DOCK9: variants seen among roughly 807,000 people sequenced by gnomAD.
DOCK9 encodes the protein dedicator of cytokinesis 9.
Under a neutral mutation model 263.3 loss-of-function variants are expected in DOCK9, and 89 were observed. The observed-to-expected ratio is 0.34, with a 90% CI of 0.28 to 0.40. The LOEUF (loss-of-function observed/expected upper bound fraction) is 0.40, where lower values mean the gene tolerates loss of function less well. DOCK9 is among the 10% of genes least tolerant of loss of function. The pLI is 1.00. For synonymous variants in DOCK9, 976 were observed against 973.1 expected (o/e 1.00, Z -0.06); for missense variants, 2,140 against 2,603.4 (o/e 0.82, Z 3.87).
intron 1 of DOCK9, among the ~76,000 whole-genome samples, chr13:99,016,480 G>A (rs527521478): frequency 1.4e-4 from 22 of 152,312 alleles, no homozygotes; most frequent in African/African-American, 5.3e-4. Flanking sequence ...AGTCTGGCTA[G>A]ATGCATGCCT....
intron 1 of DOCK9, among the ~76,000 whole-genome samples, chr13:99,003,804 C>G (rs1291060364): frequency 6.6e-6 from 1 of 152,218 alleles, no homozygotes; most frequent in East Asian, 1.9e-4. Flanking sequence ...TCTCCTTTCT[C>G]TAAGCCGTTA....
chr13:99,003,642 A>G (rs956247804), intron 1 of DOCK9, among the ~76,000 whole-genome samples: 3 of 140,070 alleles, frequency 2.1e-5, no homozygotes, highest in African/African-American at 7.9e-5. Context: ...GGGCACAAAT[A>G]CCAACACTCT....
intron 50 of DOCK9, among the ~76,000 whole-genome samples, chr13:98,799,535 G>A (rs900214615): frequency 5.9e-5 from 9 of 152,136 alleles, no homozygotes; most frequent in Non-Finnish European, 1.0e-4. Flanking sequence ...ACGGGAAAGC[G>A]CATATATCAC....
At chr13:98,987,638 G>A (rs2141668909) in intron 1 of DOCK9, among the ~76,000 whole-genome samples, 2 of 152,314 alleles carry the variant, frequency 1.3e-5, no homozygotes, top group South Asian at 4.1e-4. Context: ...CCACAGGTGA[G>A]CAAGAAAAAC....
At chr13:98,984,808 A>G (rs1878057286) in intron 1 of DOCK9, among the ~76,000 whole-genome samples, 1 of 152,190 alleles carries the variant, frequency 6.6e-6, no homozygotes, top group Non-Finnish European at 1.5e-5. Flanking sequence ...ACTTACACCA[A>G]AAAAATCTTT....
chr13:99,021,859 G>A (rs2142009793), intron 1 of DOCK9, among the ~76,000 whole-genome samples: 1 of 152,080 alleles, frequency 6.6e-6, no homozygotes, highest in Middle Eastern at 3.4e-3. Context: ...AATACCTAAT[G>A]CACGCGGGGC....
At chr13:99,069,571 C>T (rs984930075) in intron 1 of DOCK9, among the ~76,000 whole-genome samples, 9 of 152,158 alleles carry the variant, frequency 5.9e-5, no homozygotes, top group African/African-American at 2.2e-4. Context: ...TTGGCAAACT[C>T]GATTTTGTTC....
At chr13:98,815,761 G>A (rs1234941502) in intron 45 of DOCK9, among the ~76,000 whole-genome samples, 2 of 152,104 alleles carry the variant, frequency 1.3e-5, no homozygotes, top group Admixed American at 6.6e-5. Context: ...GATTACAGGC[G>A]TGAGCCACCG....
intron 1 of DOCK9, among the ~76,000 whole-genome samples, chr13:99,017,616 C>A (rs1391993727): frequency 1.3e-5 from 2 of 152,100 alleles, no homozygotes; most frequent in Non-Finnish European, 2.9e-5. Context: ...ACCCTCCATT[C>A]GTGTTTAAAA....
At chr13:98,933,091 T>A (rs2054225698) in intron 2 of DOCK9, among the ~76,000 whole-genome samples, 1 of 152,214 alleles carries the variant, frequency 6.6e-6, no homozygotes, top group Non-Finnish European at 1.5e-5. Flanking sequence ...ATGATCTGAT[T>A]TATCTGGGTC....
intron 1 of DOCK9, among the ~76,000 whole-genome samples, chr13:99,054,857 T>G (rs1335164324): frequency 1.3e-5 from 2 of 152,188 alleles, no homozygotes; most frequent in Non-Finnish European, 2.9e-5. Flanking sequence ...GAGAAAAATT[T>G]TAAATGAATA....
Position 98,825,913 on chromosome 13 carries a change from A to T in DOCK9, c.5023+917T>A. Reference sequence around the variant, plus strand: ...CAGGCAGGCGCTATGGCTGTGGGGGAGAAGGGGCGGCTCCCACTGGACTGC... The same window carrying T: ...CAGGCAGGCGCTATGGCTGTGGGGGTGAAGGGGCGGCTCCCACTGGACTGC... On this transcript the variant is annotated intron_variant, in intron 44 of 52. Coordinates refer to ENST00000682017, the MANE Select transcript of DOCK9 (RefSeq NM_001366683.2). The surrounding 1 kb of genome is among the most constrained non-coding windows in gnomAD (Gnocchi z 4.1). 6.4e-7 allele frequency: 1 copy of T among 1,553,264 alleles called. No individual in the cohort carries two copies. The highest frequency in any genetic ancestry group is 1.2e-5 in the South Asian group (1 of 80,146).
At chr13:99,032,438 T>C (rs1051291897) in intron 1 of DOCK9, among the ~76,000 whole-genome samples, 1 of 149,952 alleles carries the variant, frequency 6.7e-6, no homozygotes, top group Non-Finnish European at 1.5e-5. Flanking sequence ...ATCACACCAC[T>C]GCACTCCACA....
At chr13:98,898,911 A>G (rs1193671086) in intron 13 of DOCK9, among the ~76,000 whole-genome samples, 1 of 152,220 alleles carries the variant, frequency 6.6e-6, no homozygotes, top group Admixed American at 6.5e-5. Context: ...AGGCAGACCT[A>G]TTATTAATCA....
At chr13:98,901,372 C>G (rs2048254199) in intron 13 of DOCK9, among the ~76,000 whole-genome samples, 1 of 152,222 alleles carries the variant, frequency 6.6e-6, no homozygotes, top group Admixed American at 6.5e-5. Flanking sequence ...GCCAGGTCAT[C>G]TGAGCCAAGG....
At chr13:98,944,778 A>C (rs1346468240) in intron 2 of DOCK9, among the ~76,000 whole-genome samples, 1 of 152,198 alleles carries the variant, frequency 6.6e-6, no homozygotes, top group Non-Finnish European at 1.5e-5. Flanking sequence ...CGGGGTCATG[A>C]CCAGATCATC....
At chr13:98,996,497 C>G (rs1175566941) in intron 1 of DOCK9, among the ~76,000 whole-genome samples, 1 of 152,224 alleles carries the variant, frequency 6.6e-6, no homozygotes, top group Non-Finnish European at 1.5e-5. Context: ...CCTTACAGGT[C>G]CTTACATTAC....
intron 1 of DOCK9, among the ~76,000 whole-genome samples, chr13:98,955,927 C>T (rs1331827418): frequency 2.0e-5 from 3 of 152,210 alleles, no homozygotes; most frequent in Non-Finnish European, 4.4e-5. Flanking sequence ...CAGAACGGCT[C>T]CAGCCACGAT....
chr13:99,079,179 A>G, intron 1 of DOCK9, among the ~76,000 whole-genome samples: 1 of 152,268 alleles, frequency 6.6e-6, no homozygotes, highest in East Asian at 1.9e-4. Flanking sequence ...GTTTAACTTA[A>G]CACTATGACC....
Sources: allele counts gnomAD v4.1 joint callset (sites outside exome capture counted in the v4.1 genomes callset), GRCh38; gene constraint gnomAD v4.1.1; non-coding constraint Gnocchi (gnomAD v3.1); transcripts MANE v1.5; gene names NCBI Gene and HGNC (gene_info 2026-07-23, HGNC 2026-07-21).